The following SMYD4 variants were observed in gnomAD, a reference collection of about 807,000 sequenced individuals.
SMYD4 encodes the protein SET and MYND domain containing 4, also known as protein-lysine N-methyltransferase SMYD4.
Under a neutral mutation model 72.8 loss-of-function variants are expected in SMYD4, and 68 were observed. The observed-to-expected ratio is 0.93, with a 90% CI of 0.77 to 1.14. SMYD4 has a LOEUF of 1.14. Ranked by LOEUF, SMYD4 falls within the 50% of genes most tolerant of loss-of-function variation. The pLI, the probability that SMYD4 is intolerant of heterozygous loss-of-function variation, is 0.00. For missense variants in SMYD4, 984 were observed against 1,003.7 expected, an observed-to-expected ratio of 0.98 and a Z score of 0.27; for synonymous variants, 407 against 388.6, an observed-to-expected ratio of 1.05 and a Z score of -0.56.
chr17:1,817,343 CTGTT>C (rs1910659699), intron 2 of SMYD4, among the ~76,000 whole-genome samples: 2 of 150,894 alleles, frequency 1.3e-5, no homozygotes, highest in African/African-American at 4.9e-5. Context: ...TGGCCTAAAA[CTGTT>C]TTTTTTTGAG....
Position 1,812,052 on chromosome 17 carries a change from G to A in SMYD4, c.198C>T (p.Asp66=), listed in dbSNP as rs138201851. ...CTTCTTCTCTGTAGAAAAGAGGAGCGTCCGAGTCCTTTCCCACCAAGTAAC... is the reference window on the plus strand; with the variant it reads ...CTTCTTCTCTGTAGAAAAGAGGAGCATCCGAGTCCTTTCCCACCAAGTAAC... ...SKGYLVGKDS[D]APLFYREEGN... The change falls in exon 3 of 11, where the codon GAC becomes GAT. Residue 66 remains aspartate (D), a synonymous_variant. Transcript: ENST00000305513. 3.0e-5 allele frequency: 49 copies of A among 1,613,934 alleles called. No individual in the cohort carries two copies. Among genetic ancestry groups the A allele is most frequent in the African/African-American group, 6.7e-5 (5 of 74,876 alleles).
chr17:1,801,364 G>A (rs552586892), intron 4 of SMYD4, among the ~76,000 whole-genome samples: 1 of 151,872 alleles, frequency 6.6e-6, no homozygotes, highest in South Asian at 2.1e-4. Flanking sequence ...TCAGCCTCCT[G>A]AGTAGCTGGG....
intron 2 of SMYD4, among the ~76,000 whole-genome samples, chr17:1,822,483 T>C (rs1467496570): frequency 2.0e-5 from 3 of 152,180 alleles, no homozygotes; most frequent in Admixed American, 1.3e-4. Flanking sequence ...TCTACTAGCC[T>C]TTAAGAAGCA....
intron 2 of SMYD4, among the ~76,000 whole-genome samples, chr17:1,815,148 C>T (rs1458880225): frequency 2.6e-5 from 4 of 151,806 alleles, no homozygotes; most frequent in African/African-American, 9.7e-5. Flanking sequence ...ACTGCAACAT[C>T]TGCCTTCCGG....
chr17:1,790,057 A>G (rs1298406500), intron 5 of SMYD4, among the ~76,000 whole-genome samples: 1 of 152,248 alleles, frequency 6.6e-6, no homozygotes, highest in African/African-American at 2.4e-5. Flanking sequence ...GCTAAAAGGC[A>G]GGTGGCAGGA....
In SMYD4 at chr17:1,783,375, C is replaced by T. The variant is rs749729658; in HGVS notation, c.2122G>A (p.Ala708Thr). The change falls in exon 9 of 11, where the codon GCC becomes ACC. Residue 708 changes from alanine (A) to threonine (T), a missense_variant. Physicochemically the swap from Ala to Thr is moderately conservative, Grantham distance 58. Coordinates refer to ENST00000305513, the MANE Select transcript of SMYD4 (RefSeq NM_052928.3). ...CATGCTGTACCTAAGGCAGCACAGGCCCGGGCCAGGCCATCCGCGATCTCT... is the reference window on the plus strand; with the variant it reads ...CATGCTGTACCTAAGGCAGCACAGGTCCGGGCCAGGCCATCCGCGATCTCT... ...VGEIADGLAR[A>T]CAALGDWQKS... The T allele has an allele frequency of 6.2e-7, 1 of 1,612,382 alleles. No individual in the cohort carries two copies. Among genetic ancestry groups the T allele is most frequent in the South Asian group, 1.1e-5 (1 of 91,004 alleles).
intron 10 of SMYD4, chr17:1,782,348 G>A: frequency 6.6e-6 from 1 of 152,106 alleles, no homozygotes; most frequent in Non-Finnish European, 1.5e-5. Context: ...GATGCCAGCA[G>A]CACCCCCCTT....
chr17:1,813,339 G>A (rs752268225), intron 2 of SMYD4, among the ~76,000 whole-genome samples: 33 of 152,178 alleles, frequency 2.2e-4, no homozygotes, highest in Non-Finnish European at 4.0e-4. Flanking sequence ...GCTGACAGAA[G>A]AGAGATAATG....
Position 1,784,355 on chromosome 17 carries a change from G to C in SMYD4, c.1991C>G (p.Ala664Gly), listed in dbSNP as rs1327216370. The C allele has an allele frequency of 2.5e-6, 4 of 1,614,134 alleles. No homozygotes were observed. In the Admixed American group the frequency reaches 6.7e-5, roughly 27 times the overall value. ...LQDLQQQVRV[A>G]QKLLRDGELE... ...TTCACCATCTCTGAGAAGCTTCTGG[G>C]CCACTCTGACCTGCTGCTGTAGGTC... The change falls in exon 8 of 11, where the codon GCC becomes GGC. Residue 664 changes from alanine (A) to glycine (G), a missense_variant. Coordinates refer to ENST00000305513, the MANE Select transcript of SMYD4 (RefSeq NM_052928.3).
chr17:1,800,367 T>G lies in SMYD4; in HGVS notation c.1027A>C (p.Thr343Pro). 6.2e-7 allele frequency: 1 copy of G among 1,614,172 alleles called. No homozygotes were observed. The highest frequency in any genetic ancestry group is 8.5e-7 in the Non-Finnish European group (1 of 1,180,042). ...TECPLGGLLLTLGVFCHIALR... is the reference protein window; with the variant it reads ...TECPLGGLLLPLGVFCHIALR... ...GCAATGTGGCAAAAGACACCCAGTG[T>G]GAGAAGCAGCCCTCCCAGAGGACAT... is the stretch of plus-strand genomic sequence containing the variant. The change falls in exon 5 of 11, where the codon ACA becomes CCA. Residue 343 changes from threonine (T) to proline (P), a missense_variant. Coordinates refer to ENST00000305513, the MANE Select transcript of SMYD4 (RefSeq NM_052928.3).
chr17:1,823,964 C>T (rs1381662457), intron 2 of SMYD4, among the ~76,000 whole-genome samples: 2 of 152,188 alleles, frequency 1.3e-5, no homozygotes, highest in Non-Finnish European at 2.9e-5. Context: ...GATCTCCCTT[C>T]AGATAGCCTA....
chr17:1,791,623 C>T (rs1009557527), intron 5 of SMYD4, among the ~76,000 whole-genome samples: 11 of 152,184 alleles, frequency 7.2e-5, no homozygotes, highest in African/African-American at 1.7e-4. Flanking sequence ...CTGGTGGGCG[C>T]GTCAGTGGAA....
chr17:1,784,247 A>G (rs1908528082), intron 8 of SMYD4, 79 bp downstream of exon 8: 1 of 1,594,328 alleles, frequency 6.3e-7, no homozygotes, highest in African/African-American at 1.3e-5. Flanking sequence ...ATCAGTACTG[A>G]GTATCCCTGA....
At chr17:1,794,105 A>ATATTTTTTTTTTTT (rs1291818005) in intron 5 of SMYD4, among the ~76,000 whole-genome samples, 1 of 12,982 alleles carries the variant, frequency 7.7e-5, no homozygotes, top group Non-Finnish European at 1.4e-4. Context: ...ATATATATAT[A>ATATTTTTTTTTTTT]TTTTTTTTTT....
chr17:1,800,379 C>G lies in SMYD4; in HGVS notation c.1015G>C (p.Gly339Arg), dbSNP rs1161682371. 1 of 1,614,082 alleles carries G rather than the reference C, an allele frequency of 6.2e-7. No individual in the cohort carries two copies. ...AAGACACCCAGTGTGAGAAGCAGCC[C>G]TCCCAGAGGACATTCTGTCCTGTGG... ...LYHRTECPLG[G>R]LLLTLGVFCH... The change falls in exon 5 of 11, where the codon GGG (glycine) becomes CGG (arginine). Residue 339 changes from glycine to arginine, a missense_variant. Physicochemically the swap from Gly to Arg is moderately radical, Grantham distance 125 (BLOSUM62 -2). Transcript: ENST00000305513.
intron 5 of SMYD4, among the ~76,000 whole-genome samples, chr17:1,790,354 TACTC>T (rs1187910543): frequency 1.3e-5 from 2 of 152,194 alleles, no homozygotes; most frequent in African/African-American, 4.8e-5. Flanking sequence ...TTTTAAAAAT[TACTC>T]AGTATTGTGC....
At position 1,786,835 on chromosome 17, in the gene SMYD4, C is replaced by G; in HGVS notation, c.1859G>C (p.Cys620Ser). ...CTGCATGGGCGCTCCGCAACTGTTGCAACAGAATGCTTCCCACCTGGGCCC... is the reference window on the plus strand; with the variant it reads ...CTGCATGGGCGCTCCGCAACTGTTGGAACAGAATGCTTCCCACCTGGGCCC... ...AAGPRWEAFC[C>S]NSCGAPMQGD... Residue 620 changes from cysteine (C) to serine (S), a missense_variant, in exon 7 of 11, where the codon TGC (cysteine) becomes TCC (serine). Transcript: ENST00000305513. The G allele has an allele frequency of 3.1e-6, 5 of 1,614,214 alleles. No homozygotes were observed. The highest frequency in any genetic ancestry group is 4.2e-6 in the Non-Finnish European group (5 of 1,180,038).
At chr17:1,816,742 C>G (rs1022487722) in intron 2 of SMYD4, among the ~76,000 whole-genome samples, 1 of 151,854 alleles carries the variant, frequency 6.6e-6, no homozygotes, top group East Asian at 1.9e-4. Context: ...GCACAATGAT[C>G]GCACACTATG....
chr17:1,813,046 C>T (rs1468954691), intron 2 of SMYD4, among the ~76,000 whole-genome samples: 1 of 152,018 alleles, frequency 6.6e-6, no homozygotes, highest in Non-Finnish European at 1.5e-5. Context: ...TCAAGTGATT[C>T]TCCTGCCTCA....
Sources: gnomAD v4.1 joint callset for allele counts (sites outside exome capture counted in the v4.1 genomes callset) on GRCh38, gnomAD v4.1.1 for gene constraint, MANE v1.5 for transcripts, NCBI Gene and HGNC (gene_info 2026-07-23, HGNC 2026-07-21) for gene names.